The following ARSJ variants were observed in gnomAD, a reference collection of about 807,000 sequenced individuals.
ARSJ encodes the protein arylsulfatase J.
A neutral mutation model predicts 35.9 loss-of-function variants in ARSJ; 26 were observed. That is an observed-to-expected ratio of 0.72 (90% CI 0.53 to 1.00). The LOEUF (loss-of-function observed/expected upper bound fraction) is 1.00. ARSJ is among the 50% of genes least tolerant of loss of function. ARSJ has a pLI of 0.00. For synonymous variants in ARSJ, 294 were observed against 267.6 expected, an observed-to-expected ratio of 1.10 and a Z score of -0.96; for missense variants, 667 against 723.6, an observed-to-expected ratio of 0.92 and a Z score of 0.90.
rs770716637 is a variant in ARSJ, at chr4:113,902,500, T to C, written c.1574A>G (p.Gln525Arg). The C allele has an allele frequency of 6.2e-7, 1 of 1,614,092 alleles. No individual in the cohort carries two copies. The highest frequency in any genetic ancestry group is 1.3e-5 in the African/African-American group (1 of 74,936). ...GACCGGCACTGCAGTTTTGTTGAAC[T>C]GTGAGAGCCTCCGTAGGAGCTTCTT... ...IVKKLLRRLS[Q>R]FNKTAVPVRY... is the part of the protein sequence containing the mutation. The change falls in exon 2 of 2, where the codon CAG becomes CGG. Residue 525 changes from glutamine to arginine, a missense_variant. Transcript: ENST00000315366.
intron 1 of ARSJ, among the ~76,000 whole-genome samples, chr4:113,966,245 G>A (rs540456764): frequency 1.2e-4 from 19 of 152,212 alleles, no homozygotes; most frequent in African/African-American, 4.3e-4. Flanking sequence ...CTAGGTAGAA[G>A]TGCAGAAAAA....
chr4:113,927,257 A>G (rs1364710444), intron 1 of ARSJ, among the ~76,000 whole-genome samples: 1 of 152,126 alleles, frequency 6.6e-6, no homozygotes, highest in Non-Finnish European at 1.5e-5. Flanking sequence ...ACTCCACTGG[A>G]GCCCACACCA....
chr4:113,939,536 A>G (rs957327245), intron 1 of ARSJ, among the ~76,000 whole-genome samples: 2 of 152,104 alleles, frequency 1.3e-5, no homozygotes, highest in African/African-American at 4.8e-5. Context: ...AACAGTGTAA[A>G]AGTGTTCCTG....
chr4:113,954,699 A>G (rs1726059035), intron 1 of ARSJ, among the ~76,000 whole-genome samples: 1 of 152,104 alleles, frequency 6.6e-6, no homozygotes, highest in Non-Finnish European at 1.5e-5. Context: ...GCAGCAGGAT[A>G]GATGAGCCCA....
chr4:113,975,276 T>G (rs779185830), intron 1 of ARSJ, among the ~76,000 whole-genome samples: 1 of 152,146 alleles, frequency 6.6e-6, no homozygotes, highest in African/African-American at 2.4e-5. Context: ...GTATTTCAAG[T>G]GGGATAAATG....
intron 1 of ARSJ, among the ~76,000 whole-genome samples, chr4:113,945,654 A>T (rs1209839413): frequency 6.6e-6 from 1 of 152,112 alleles, no homozygotes; most frequent in Non-Finnish European, 1.5e-5. Flanking sequence ...AGCTCTGAGA[A>T]AACCAGCTTA....
intron 1 of ARSJ, among the ~76,000 whole-genome samples, chr4:113,924,091 ATATATATATAT>A (rs1379900600): frequency 3.0e-4 from 39 of 130,158 alleles, no homozygotes; most frequent in East Asian, 1.0e-3. Flanking sequence ...ATATATATAT[ATATATATATAT>A]ATATATATAT....
chr4:113,944,082 G>C (rs546787932), intron 1 of ARSJ: 1 of 152,220 alleles, frequency 6.6e-6, no homozygotes, highest in African/African-American at 2.4e-5. Context: ...GAACACTGCT[G>C]CAAAAGCAAG....
At chr4:113,967,258 G>C (rs1017854148) in intron 1 of ARSJ, among the ~76,000 whole-genome samples, 8 of 151,998 alleles carry the variant, frequency 5.3e-5, no homozygotes, top group African/African-American at 1.9e-4. Context: ...AACCTAAAAG[G>C]TTCATAAGTA....
At chr4:113,971,806 A>G (rs1445158840) in intron 1 of ARSJ, among the ~76,000 whole-genome samples, 2 of 152,206 alleles carry the variant, frequency 1.3e-5, no homozygotes, top group African/African-American at 4.8e-5. Flanking sequence ...TGGATGTAAC[A>G]TGCTGCTTAA....
At chr4:113,928,780 G>A (rs1041083581) in intron 1 of ARSJ, among the ~76,000 whole-genome samples, 2 of 152,160 alleles carry the variant, frequency 1.3e-5, no homozygotes, top group African/African-American at 4.8e-5. Flanking sequence ...AAAGATGCAG[G>A]TGCTTCCCTC....
chr4:113,959,615 TAC>T (rs1215989784), intron 1 of ARSJ, among the ~76,000 whole-genome samples: 2 of 152,094 alleles, frequency 1.3e-5, no homozygotes, highest in African/African-American at 2.4e-5. Flanking sequence ...ATTTTTTATT[TAC>T]AGAGATTGCA....
rs1446267126 is a variant in ARSJ, at chr4:113,902,745, A to C, written c.1329T>G (p.Thr443=). 20 of 1,614,056 alleles carry C rather than the reference A, an allele frequency of 1.2e-5. No individual in the cohort carries two copies. Among genetic ancestry groups the C allele is most frequent in the Non-Finnish European group, 1.4e-5 (17 of 1,180,048 alleles). Reference sequence around the variant, plus strand: ...GCACTCTGATGGCTGACTGGATTGCAGTGTTCCAGATCCCATAGCCTGCTG... The same window carrying C: ...GCACTCTGATGGCTGACTGGATTGCCGTGTTCCAGATCCCATAGCCTGCTG... ...SWAAGYGIWN[T]AIQSAIRVQH... Residue 443 remains threonine, a synonymous_variant, in exon 2 of 2, where the codon ACT becomes ACG. Transcript: ENST00000315366.
At chr4:113,906,625 G>C in intron 1 of ARSJ, 1 of 363,092 alleles carries the variant, frequency 2.8e-6, no homozygotes, top group Non-Finnish European at 5.5e-6. Flanking sequence ...AGGTAATTTG[G>C]GGTGTGGGTT....
At position 113,978,694 on chromosome 4, in the gene ARSJ, G is replaced by C. The variant is rs1039569858; in HGVS notation, c.141C>G (p.Gly47=). ...CTTCTTCCTCCTCTTCTAAGGCCTG[G>C]CCCCAGGACAGGTAACCATAAGTGA... is the stretch of plus-strand genomic sequence containing the variant. ...CLLTYGYLSW[G]QALEEEEEGA... is the part of the protein sequence containing the mutation. Residue 47 remains glycine, a synonymous_variant, in exon 1 of 2, where the codon GGC becomes GGG. Transcript: ENST00000315366. The C allele has an allele frequency of 1.9e-6, 3 of 1,614,082 alleles. No homozygotes were observed. The African/African-American group carries it at 4.0e-5, about 22-fold the overall frequency.
Position 113,969,993 on chromosome 4 carries a change from A to C in ARSJ, c.398+8444T>G, listed in dbSNP as rs892475869. On this transcript the variant is annotated intron_variant, in intron 1 of 1. Coordinates refer to ENST00000315366, the MANE Select transcript of ARSJ (RefSeq NM_024590.4). Reference sequence around the variant, plus strand: ...TAATGAGACAGTTACAGAAAGGAGTAAGAAAGCTCATCGTTGAGATAAATC... The same window carrying C: ...TAATGAGACAGTTACAGAAAGGAGTCAGAAAGCTCATCGTTGAGATAAATC... Among the ~76,000 whole-genome samples, 5 of 152,344 alleles carry C rather than the reference A, an allele frequency of 3.3e-5. No individual in the cohort carries two copies. The South Asian group carries it at 1.0e-3, about 32-fold the overall frequency.
In ARSJ at chr4:113,969,090, T is replaced by C. The variant is rs1464239295; in HGVS notation, c.398+9347A>G. On this transcript the variant is annotated intron_variant, in intron 1 of 1. Coordinates refer to ENST00000315366, the MANE Select transcript of ARSJ (RefSeq NM_024590.4). ...TTTGAAGTAATTAATCACTGGCCTTTCCATTACCCTATTTCCAATTTCTCA... is the reference window on the plus strand; with the variant it reads ...TTTGAAGTAATTAATCACTGGCCTTCCCATTACCCTATTTCCAATTTCTCA... 5.3e-5 allele frequency among the ~76,000 whole-genome samples: 8 copies of C among 152,212 alleles called. No homozygotes were observed. The East Asian group carries it at 1.5e-3, about 29-fold the overall frequency.
At chr4:113,964,201 A>G (rs996956030) in intron 1 of ARSJ, among the ~76,000 whole-genome samples, 11 of 152,110 alleles carry the variant, frequency 7.2e-5, no homozygotes, top group Non-Finnish European at 1.5e-4. Flanking sequence ...ATTATGATAT[A>G]CTGTATATGC....
At chr4:113,974,644 T>G (rs1213571374) in intron 1 of ARSJ, among the ~76,000 whole-genome samples, 1 of 151,788 alleles carries the variant, frequency 6.6e-6, no homozygotes, top group Non-Finnish European at 1.5e-5. Flanking sequence ...ATGACCAGAG[T>G]GGCTAAAATG....
Sources: gnomAD v4.1 joint callset for allele counts (sites outside exome capture counted in the v4.1 genomes callset) on GRCh38, gnomAD v4.1.1 for gene constraint, MANE v1.5 for transcripts, NCBI Gene and HGNC (gene_info 2026-07-23, HGNC 2026-07-21) for gene names.